TMTC2: variants seen among roughly 807,000 people sequenced by gnomAD.
TMTC2 encodes the protein protein O-mannosyl-transferase TMTC2.
TMTC2 carries 43 observed loss-of-function variants against 82.4 expected under a neutral mutation model. That is an observed-to-expected ratio of 0.52 (90% confidence interval 0.41 to 0.67). The LOEUF (loss-of-function observed/expected upper bound fraction) is 0.67. Ranked by LOEUF, TMTC2 falls within the 30% of genes least tolerant of loss-of-function variation. TMTC2 has a pLI of 0.00. For synonymous variants in TMTC2, 408 were observed against 381.9 expected (o/e 1.07, Z -0.80); for missense variants, 919 against 1,012.4 (o/e 0.91, Z 1.25).
At chr12:82,971,524 A>G (rs1878445852) in intron 7 of TMTC2, among the ~76,000 whole-genome samples, 1 of 152,178 alleles carries the variant, frequency 6.6e-6, no homozygotes, top group South Asian at 2.1e-4. Flanking sequence ...CTAAGGGATT[A>G]TAGGAAACTA....
rs1881089949 is a variant in TMTC2 at position 83,024,820 on chromosome 12, A to T, written c.2071-5978A>T. Among the ~76,000 whole-genome samples the T allele has an allele frequency of 2.0e-5, 3 of 152,180 alleles. No homozygotes were observed. The South Asian group carries it at 6.2e-4, about 32-fold the overall frequency. ...CCAGATATGAAATGGAGAAGTTACT[A>T]CTTTGTTCACCGCTCTGTAATTTAC... On this transcript the variant is annotated intron_variant, in intron 8 of 11. Transcript: ENST00000321196.
chr12:83,120,314 T>C (rs1283182764), intron 11 of TMTC2, among the ~76,000 whole-genome samples: 1 of 152,220 alleles, frequency 6.6e-6, no homozygotes, highest in African/African-American at 2.4e-5. Context: ...AAGATTTAGA[T>C]CTCCGTTTAG....
At chr12:82,740,370 C>A (rs2136952322) in intron 1 of TMTC2, among the ~76,000 whole-genome samples, 1 of 152,306 alleles carries the variant, frequency 6.6e-6, no homozygotes, top group East Asian at 1.9e-4. Context: ...ACAGATAAAT[C>A]CCTGCCTCTT....
At chr12:82,770,236 G>A (rs916706060) in intron 1 of TMTC2, among the ~76,000 whole-genome samples, 5 of 152,194 alleles carry the variant, frequency 3.3e-5, no homozygotes, top group African/African-American at 1.2e-4. Context: ...TAATATGACT[G>A]TGGTATATGG....
chr12:82,884,102 CT>C (rs1872970685), intron 2 of TMTC2, among the ~76,000 whole-genome samples: 1 of 152,120 alleles, frequency 6.6e-6, no homozygotes, highest in South Asian at 2.1e-4. Flanking sequence ...TGGCACACCC[CT>C]TGCAGTTCCA....
At chr12:82,819,426 C>G (rs1418838134) in intron 1 of TMTC2, among the ~76,000 whole-genome samples, 2 of 151,526 alleles carry the variant, frequency 1.3e-5, no homozygotes, top group Non-Finnish European at 2.9e-5. Context: ...ATCATGGTTC[C>G]TCTTGAAATG....
At chr12:82,958,366 AAAAACAAAAAAAAC>A (rs1356697197) in intron 4 of TMTC2, among the ~76,000 whole-genome samples, 9 of 17,446 alleles carry the variant, frequency 5.2e-4, no homozygotes, top group African/African-American at 1.2e-3. Context: ...AAAAAAAAAA[AAAAACAAAAAAAAC>A]AAAAAAACTA....
At chr12:82,719,474 C>T (rs1874089785) in intron 1 of TMTC2, among the ~76,000 whole-genome samples, 1 of 152,118 alleles carries the variant, frequency 6.6e-6, no homozygotes, top group Non-Finnish European at 1.5e-5. Context: ...AAAATATTCA[C>T]TTAAAAATTT....
At chr12:82,882,189 C>T (rs1872864139) in intron 2 of TMTC2, among the ~76,000 whole-genome samples, 1 of 151,036 alleles carries the variant, frequency 6.6e-6, no homozygotes, top group African/African-American at 2.5e-5. Context: ...TTAGTAGAGA[C>T]GGGGTTTCAC....
intron 1 of TMTC2, among the ~76,000 whole-genome samples, chr12:82,785,305 T>G (rs935327457): frequency 2.0e-5 from 3 of 151,974 alleles, no homozygotes; most frequent in African/African-American, 4.8e-5. Flanking sequence ...TGAGCCCTCT[T>G]ATTCTTTCTG....
chr12:82,986,012 C>G lies in TMTC2; in HGVS notation c.2036C>G (p.Ala679Gly). ...AGATCCAAGACTGACCACATCCCTGCTCATCTCACCTATGGGAAGCTGCTA... is the reference window on the plus strand; with the variant it reads ...AGATCCAAGACTGACCACATCCCTGGTCATCTCACCTATGGGAAGCTGCTA... ...SLRSKTDHIP[A>G]HLTYGKLLAL... The change falls in exon 8 of 12, where the codon GCT becomes GGT. Residue 679 changes from alanine to glycine, a missense_variant. By Grantham distance (60) the Ala-to-Gly change is moderately conservative. Transcript: ENST00000321196. 1 of 1,613,898 alleles carries G rather than the reference C, an allele frequency of 6.2e-7. No homozygotes were observed. The highest frequency in any genetic ancestry group is 2.2e-5 in the East Asian group (1 of 44,882).
intron 1 of TMTC2, among the ~76,000 whole-genome samples, chr12:82,848,470 C>G (rs1321253241): frequency 6.6e-6 from 1 of 152,056 alleles, no homozygotes; most frequent in Non-Finnish European, 1.5e-5. Flanking sequence ...AGGGAAACTC[C>G]TTGTACATTT....
At chr12:83,007,485 C>T (rs2137379838) in intron 8 of TMTC2, among the ~76,000 whole-genome samples, 1 of 152,206 alleles carries the variant, frequency 6.6e-6, no homozygotes, top group Non-Finnish European at 1.5e-5. Flanking sequence ...TTGTGATGGA[C>T]ACTTTATACT....
At chr12:82,992,982 ATTAT>A (rs1879460572) in intron 8 of TMTC2, among the ~76,000 whole-genome samples, 1 of 151,820 alleles carries the variant, frequency 6.6e-6, no homozygotes, top group Admixed American at 6.6e-5. Flanking sequence ...TTTGTTTTTT[ATTAT>A]TTATTTATTT....
chr12:82,866,808 T>C (rs954438870), intron 2 of TMTC2, among the ~76,000 whole-genome samples: 34 of 152,206 alleles, frequency 2.2e-4, no homozygotes, highest in African/African-American at 8.0e-4. Context: ...TCGAATGAAA[T>C]TTTATAGAAA....
chr12:82,762,887 TAAAAA>T (rs1345596802), intron 1 of TMTC2, among the ~76,000 whole-genome samples: 2 of 152,012 alleles, frequency 1.3e-5, no homozygotes, highest in African/African-American at 2.4e-5. Context: ...TCAAATAACT[TAAAAA>T]AGGAAAAATC....
chr12:82,958,666 T>C (rs1877751905), intron 4 of TMTC2, among the ~76,000 whole-genome samples: 1 of 152,022 alleles, frequency 6.6e-6, no homozygotes, highest in Non-Finnish European at 1.5e-5. Context: ...AAACTAGACA[T>C]TGAGGGAACA....
At chr12:83,106,977 G>T (rs1884426924) in intron 11 of TMTC2, among the ~76,000 whole-genome samples, 1 of 152,192 alleles carries the variant, frequency 6.6e-6, no homozygotes, top group South Asian at 2.1e-4. Flanking sequence ...GTAAATTAAT[G>T]ATATAAATGT....
intron 3 of TMTC2, among the ~76,000 whole-genome samples, chr12:82,916,906 TATGAATC>T (rs1393609593): frequency 6.6e-6 from 1 of 152,236 alleles, no homozygotes; most frequent in Non-Finnish European, 1.5e-5. Context: ...TGTGATAACA[TATGAATC>T]ATGATCTTTA....
Sources: allele counts gnomAD v4.1 joint callset (sites outside exome capture counted in the v4.1 genomes callset), GRCh38; gene constraint gnomAD v4.1.1; transcripts MANE v1.5; gene names NCBI Gene and HGNC (gene_info 2026-07-23, HGNC 2026-07-21).